LMOD1: variants seen among roughly 807,000 people sequenced by gnomAD.
The protein encoded by LMOD1 is leiomodin 1.
Under a neutral mutation model 36.5 loss-of-function variants are expected in LMOD1, and 8 were observed. The ratio of observed to expected loss-of-function variants is 0.22; its 90% CI spans 0.13 to 0.40. The LOEUF (loss-of-function observed/expected upper bound fraction) is 0.40, where lower values mean the gene tolerates loss of function less well. LMOD1 is among the 10% of genes least tolerant of loss of function. LMOD1 has a pLI of 1.00. For synonymous variants in LMOD1, 284 were observed against 288.7 expected (o/e 0.98, Z 0.17); for missense variants, 630 against 751.1 (o/e 0.84, Z 1.88).
Position 201,901,690 on chromosome 1 carries a change from G to A in LMOD1, c.262-939C>T, listed in dbSNP as rs377134747. 2.9e-4 allele frequency among the ~76,000 whole-genome samples: 29 copies of A among 99,588 alleles called. 1 individual carries two copies. The highest frequency in any genetic ancestry group is 5.1e-3 in the Middle Eastern group (1 of 196). The allele number at this position is 99,588 out of a possible 152,430, so 65.3% of individuals were successfully genotyped here. A position where few individuals can be genotyped will look rare whatever the true frequency, so the allele number is the denominator to read the frequency against. The stretch of plus-strand genomic sequence containing the variant: ...TATATATATACACATATATATATGT[G>A]TATATATATATATATGTGAAAACAT... On this transcript the variant is annotated intron_variant, in intron 1 of 2. Coordinates refer to ENST00000367288, the MANE Select transcript of LMOD1 (RefSeq NM_012134.3).
chr1:201,906,219 T>G (rs968564186), intron 1 of LMOD1, among the ~76,000 whole-genome samples: 3 of 152,192 alleles, frequency 2.0e-5, no homozygotes, highest in African/African-American at 7.2e-5. Context: ...GGCTGTGGCC[T>G]ACTGCTGGTT....
At position 201,910,555 on chromosome 1, in the gene LMOD1, A is replaced by T. The variant is rs182440754; in HGVS notation, c.262-9804T>A. On this transcript the variant is annotated intron_variant, in intron 1 of 2. Transcript: ENST00000367288. ...TGCCTCAGCCTCCCAAAGTGCTGGG[A>T]TTACAGGTGTGAGCCACCATGCCCA... 1.8e-4 allele frequency among the ~76,000 whole-genome samples: 27 copies of T among 151,922 alleles called. No individual in the cohort carries two copies. In the East Asian group the frequency reaches 4.1e-3, roughly 23 times the overall value.
chr1:201,919,391 A>G (rs1681662156), intron 1 of LMOD1, among the ~76,000 whole-genome samples: 1 of 150,948 alleles, frequency 6.6e-6, no homozygotes, highest in Admixed American at 6.6e-5. Flanking sequence ...TTTAGTAGAG[A>G]CGGGGTTTCA....
Position 201,900,356 on chromosome 1 carries a change from A to C in LMOD1, c.657T>G (p.Asp219Glu), listed in dbSNP as rs200932601. The change falls in exon 2 of 3, where the codon GAT becomes GAG. Residue 219 changes from aspartate (D) to glutamate (E), a missense_variant. Asp to Glu is a conservative substitution (Grantham distance 45, BLOSUM62 2). This residue lies in a region of LMOD1 where 405 missense variants were observed against 400.6 expected (regional missense o/e 1.01). Coordinates refer to ENST00000367288, the MANE Select transcript of LMOD1 (RefSeq NM_012134.3). The part of the protein sequence containing the change: ...EEMKEVAKKE[D>E]DEKVKGERRN... ...TACGCTCCCCTTTTACCTTCTCATC[A>C]TCCTCTTTCTTGGCCACCTCCTTCA... 6.4e-7 allele frequency: 1 copy of C among 1,563,884 alleles called. No individual in the cohort carries two copies. Among genetic ancestry groups the C allele is most frequent in the African/African-American group, 1.4e-5 (1 of 71,710 alleles).
intron 1 of LMOD1, among the ~76,000 whole-genome samples, chr1:201,935,693 A>T (rs951372229): frequency 1.3e-5 from 2 of 151,838 alleles, no homozygotes; most frequent in Admixed American, 1.3e-4. Flanking sequence ...AGTACCTGGG[A>T]TTACAGGTGC....
intron 1 of LMOD1, among the ~76,000 whole-genome samples, chr1:201,936,096 CAAAAAAAAAAAA>C (rs61077548): frequency 0.25 from 18,482 of 73,292 alleles, 1,419 homozygotes; most frequent in East Asian, 0.42. Context: ...GACCTTGTCT[CAAAAAAAAAAAA>C]AAAAAAAAAA....
intron 1 of LMOD1, among the ~76,000 whole-genome samples, chr1:201,943,892 C>T (rs745404926): frequency 6.6e-6 from 1 of 152,162 alleles, no homozygotes; most frequent in African/African-American, 2.4e-5. Context: ...ATTACTCAAA[C>T]CAGGTTTTTC....
chr1:201,900,559 C>T lies in LMOD1; in HGVS notation c.454G>A (p.Glu152Lys). The T allele has an allele frequency of 1.2e-6, 2 of 1,613,884 alleles. No individual in the cohort carries two copies. The highest frequency in any genetic ancestry group is 1.7e-6 in the Non-Finnish European group (2 of 1,179,892). ...GGKSGEKPKE[E>K]KIIRGIDKGR... ...TTGTCAATGCCCCGGATGATCTTCT[C>T]CTCCTTGGGCTTCTCGCCACTCTTG... The change falls in exon 2 of 3, where the codon GAG becomes AAG. Residue 152 changes from glutamate (E) to lysine (K), a missense_variant. Glu to Lys is a moderately conservative substitution (Grantham distance 56). Coordinates refer to ENST00000367288, the MANE Select transcript of LMOD1 (RefSeq NM_012134.3).
rs1053375267 is a variant in LMOD1 at position 201,921,563 on chromosome 1, C to T, written c.262-20812G>A. ...AGGCTTGACAGGTAGGTTTGGGAGTCATTGGTGTATACGTAGCAATGAAAA... is the reference window on the plus strand; with the variant it reads ...AGGCTTGACAGGTAGGTTTGGGAGTTATTGGTGTATACGTAGCAATGAAAA... On this transcript the variant is annotated intron_variant, in intron 1 of 2. Transcript: ENST00000367288. 1.7e-4 allele frequency among the ~76,000 whole-genome samples: 25 copies of T among 148,336 alleles called. 1 individual carries two copies. In the Middle Eastern group the frequency reaches 0.014, roughly 84 times the overall value.
intron 1 of LMOD1, among the ~76,000 whole-genome samples, chr1:201,926,796 T>C (rs948188347): frequency 6.6e-6 from 1 of 151,770 alleles, no homozygotes; most frequent in Non-Finnish European, 1.5e-5. Context: ...GAGGGAGGAT[T>C]GCTTGAGTCC....
rs998992406 is a variant in LMOD1 at position 201,946,528 on chromosome 1, T to G, written c.-188A>C. The G allele has an allele frequency of 1.6e-6, 1 of 641,530 alleles. No individual in the cohort carries two copies. Among genetic ancestry groups the G allele is most frequent in the East Asian group, 2.8e-5 (1 of 36,166 alleles). 39.7% of individuals were successfully genotyped at this position (641,530 alleles called of 1,614,324 possible). ...TGTTCACTGGACGCAGCAGCCTCCC[T>G]GAAGCCCAGGGCTAGTGGACCCCGG... On this transcript the variant is annotated 5_prime_UTR_variant, in exon 1 of 3. Transcript: ENST00000367288.
In LMOD1 at chr1:201,899,400, G is replaced by A. The variant is rs1446801116; in HGVS notation, c.1613C>T (p.Pro538Leu). Residue 538 changes from proline to leucine, a missense_variant, in exon 2 of 3, where the codon CCC becomes CTC. Physicochemically the swap from Pro to Leu is moderately conservative, Grantham distance 98 (BLOSUM62 -3). This residue lies in a region of LMOD1 where 144 missense variants were observed against 169.8 expected (regional missense o/e 0.85). Transcript: ENST00000367288. The surrounding 1 kb of genome is among the most constrained non-coding windows in gnomAD (Gnocchi z 6.3). ...GGAPAAPPPP[P>L]PPLAPPLIME... ...GATAAGGGGTGGAGCCAAGGGAGGG[G>A]GAGGGGGTGGTGGGGCAGCTGGAGC... The A allele has an allele frequency of 1.2e-6, 2 of 1,613,286 alleles. No individual in the cohort carries two copies. Among genetic ancestry groups the A allele is most frequent in the South Asian group, 1.1e-5 (1 of 90,986 alleles).
At chr1:201,907,735 C>T (rs1681433431) in intron 1 of LMOD1, among the ~76,000 whole-genome samples, 3 of 152,118 alleles carry the variant, frequency 2.0e-5, no homozygotes, top group Admixed American at 2.0e-4. Flanking sequence ...TTGTAGGGAG[C>T]TACACTTGTT....
intron 1 of LMOD1, among the ~76,000 whole-genome samples, chr1:201,927,856 G>GA (rs1331785353): frequency 2.0e-5 from 3 of 152,176 alleles, no homozygotes; most frequent in Non-Finnish European, 4.4e-5. Context: ...GGACCAGCTA[G>GA]AATCTTTGGG....
rs1481314463 is a variant in LMOD1, at chr1:201,934,851, C to T, written c.261+11229G>A. ...TCCTTTCTCACCTGATTTGGTGAAACCACTCTGAATTTCCTCTACCTCTCA... is the reference window on the plus strand; with the variant it reads ...TCCTTTCTCACCTGATTTGGTGAAATCACTCTGAATTTCCTCTACCTCTCA... On this transcript the variant is annotated intron_variant, in intron 1 of 2. Coordinates refer to ENST00000367288, the MANE Select transcript of LMOD1 (RefSeq NM_012134.3). 2.0e-5 allele frequency among the ~76,000 whole-genome samples: 3 copies of T among 152,198 alleles called. No homozygotes were observed. The East Asian group carries it at 5.8e-4, about 29-fold the overall frequency.
chr1:201,935,146 A>G (rs929291352), intron 1 of LMOD1, among the ~76,000 whole-genome samples: 1 of 152,334 alleles, frequency 6.6e-6, no homozygotes, highest in South Asian at 2.1e-4. Context: ...TCAGATAAAC[A>G]GACTGTAGGA....
At chr1:201,924,703 A>G (rs151108335) in intron 1 of LMOD1, among the ~76,000 whole-genome samples, 5,298 of 130,032 alleles carry the variant, frequency 0.041, 329 homozygotes, top group East Asian at 0.35. Context: ...GAAAGAAAGA[A>G]AGAAAGAAAG....
At chr1:201,937,014 C>T (rs1340923838) in intron 1 of LMOD1, among the ~76,000 whole-genome samples, 1 of 152,114 alleles carries the variant, frequency 6.6e-6, no homozygotes, top group Non-Finnish European at 1.5e-5. Flanking sequence ...AAGTGGTCTC[C>T]CATTGATATG....
intron 1 of LMOD1, among the ~76,000 whole-genome samples, chr1:201,930,846 T>G (rs78327196): frequency 0.051 from 7,759 of 152,226 alleles, 261 homozygotes; most frequent in Non-Finnish European, 0.079. Flanking sequence ...AAGGAGAATG[T>G]GCTGTATTGG....
Sources: gnomAD v4.1 joint callset for allele counts (sites outside exome capture counted in the v4.1 genomes callset) on GRCh38, gnomAD v4.1.1 for gene constraint, gnomAD v4.1.1 regional missense constraint, Gnocchi (gnomAD v3.1) non-coding constraint, MANE v1.5 for transcripts, NCBI Gene and HGNC (gene_info 2026-07-23, HGNC 2026-07-21) for gene names.